Variants in SHB observed in about 807,000 individuals in gnomAD.
The protein encoded by SHB is SH2 domain containing adaptor protein B.
Under a neutral mutation model 52.3 loss-of-function variants are expected in SHB, and 20 were observed. The observed-to-expected ratio is 0.38, with a 90% confidence interval of 0.27 to 0.56. The LOEUF (loss-of-function observed/expected upper bound fraction) is 0.56, where lower values mean the gene tolerates loss of function less well. Among genes scored for constraint, SHB ranks in the 20% least tolerant of loss-of-function variants. SHB has a pLI of 0.71. For missense variants in SHB, 825 were observed against 723.3 expected, an observed-to-expected ratio of 1.14 and a Z score of -1.61; for synonymous variants, 397 against 316.5, an observed-to-expected ratio of 1.25 and a Z score of -2.70.
intron 2 of SHB, among the ~76,000 whole-genome samples, chr9:38,004,734 G>T (rs111874067): frequency 6.6e-6 from 1 of 152,294 alleles, no homozygotes; most frequent in East Asian, 1.9e-4. Context: ...CTGGGGGCAC[G>T]GGCACATGAG....
chr9:37,979,800 T>C (rs1434230194), intron 2 of SHB, among the ~76,000 whole-genome samples: 4 of 152,092 alleles, frequency 2.6e-5, no homozygotes, highest in African/African-American at 7.2e-5. Context: ...CTACTAATAA[T>C]ACAAAAATTA....
At chr9:37,987,147 C>T (rs2244203) in intron 2 of SHB, among the ~76,000 whole-genome samples, 3 of 151,908 alleles carry the variant, frequency 2.0e-5, no homozygotes, top group Non-Finnish European at 4.4e-5. Context: ...TGCAGCCAGG[C>T]CCCTCCCCGC....
chr9:37,948,495 T>C, intron 5 of SHB, 140 bp downstream of exon 5: 2 of 1,001,392 alleles, frequency 2.0e-6, no homozygotes, highest in Non-Finnish European at 3.0e-6. Flanking sequence ...AGGATCAAAT[T>C]GAAAAACCCA....
intron 1 of SHB, 80 bp downstream of exon 1, chr9:38,067,849 C>T (rs1455583191): frequency 2.9e-6 from 4 of 1,371,384 alleles, no homozygotes; most frequent in Non-Finnish European, 3.8e-6. Context: ...AGAGACTCAA[C>T]ACCAGAGCGG....
Position 38,068,489 on chromosome 9 carries a change from C to T in SHB, c.157G>A (p.Ala53Thr). The change falls in exon 1 of 6, where the codon GCG becomes ACG. Residue 53 changes from alanine to threonine, a missense_variant. Ala to Thr is a moderately conservative substitution (Grantham distance 58, BLOSUM62 0). Transcript: ENST00000377707. ...AVPQASSAAS[A>T]SCGPATASCF... ...GAGGCGGTGGCCGGACCGCAGGACG[C>T]CGAGGCGGCGGAGGAGGCCTGCGGC... 1 of 1,500,376 alleles carries T rather than the reference C, an allele frequency of 6.7e-7. No individual in the cohort carries two copies. Among genetic ancestry groups the T allele is most frequent in the Non-Finnish European group, 8.8e-7 (1 of 1,130,850 alleles). The allele number at this position is 1,500,376 out of a possible 1,614,324, so 92.9% of individuals were successfully genotyped here.
chr9:37,933,386 T>G (rs1251233061), intron 5 of SHB, among the ~76,000 whole-genome samples: 1 of 152,234 alleles, frequency 6.6e-6, no homozygotes, highest in Non-Finnish European at 1.5e-5. Context: ...CTTTGAAGCT[T>G]GGCACATAGG....
intron 3 of SHB, among the ~76,000 whole-genome samples, chr9:37,966,655 G>C (rs1312101457): frequency 6.6e-6 from 1 of 152,240 alleles, no homozygotes; most frequent in Non-Finnish European, 1.5e-5. Flanking sequence ...ATTCTGGGAA[G>C]CTATACAGGG....
At chr9:37,943,673 T>C (rs1832459483) in intron 5 of SHB, among the ~76,000 whole-genome samples, 3 of 152,054 alleles carry the variant, frequency 2.0e-5, no homozygotes, top group Admixed American at 2.0e-4. Flanking sequence ...GCCTCAGAGG[T>C]GCCACTCGGT....
At chr9:38,011,345 C>G (rs927624771) in intron 2 of SHB, among the ~76,000 whole-genome samples, 3 of 152,226 alleles carry the variant, frequency 2.0e-5, no homozygotes, top group Middle Eastern at 3.4e-3. Context: ...CCCAGATGGG[C>G]AGCAGGGCAT....
At chr9:38,042,074 C>T (rs1328046058) in intron 1 of SHB, among the ~76,000 whole-genome samples, 1 of 150,306 alleles carries the variant, frequency 6.7e-6, no homozygotes, top group Admixed American at 6.6e-5. Context: ...CGTCTGGCTT[C>T]GCCCAGAAGG....
At chr9:38,005,535 G>A (rs1422954976) in intron 2 of SHB, among the ~76,000 whole-genome samples, 3 of 152,184 alleles carry the variant, frequency 2.0e-5, no homozygotes, top group Non-Finnish European at 4.4e-5. Flanking sequence ...AGTGATCCCT[G>A]TAGGGAGAAG....
intron 2 of SHB, among the ~76,000 whole-genome samples, chr9:38,005,885 T>C (rs967896080): frequency 2.0e-5 from 3 of 152,128 alleles, no homozygotes; most frequent in Non-Finnish European, 2.9e-5. Context: ...AGGCCAGGAC[T>C]TCTCATGGTG....
chr9:38,011,411 G>A (rs1157681235), intron 2 of SHB, among the ~76,000 whole-genome samples: 3 of 152,190 alleles, frequency 2.0e-5, no homozygotes, highest in African/African-American at 7.2e-5. Flanking sequence ...AAGATGAAAA[G>A]GGGAAATAGG....
chr9:38,064,945 A>C (rs1208975093), intron 1 of SHB, among the ~76,000 whole-genome samples: 1 of 152,158 alleles, frequency 6.6e-6, no homozygotes, highest in African/African-American at 2.4e-5. Context: ...CAACACAGAG[A>C]GACCTCCTCT....
chr9:37,961,284 T>C (rs1377229357), intron 3 of SHB, among the ~76,000 whole-genome samples: 3 of 152,220 alleles, frequency 2.0e-5, no homozygotes, highest in East Asian at 3.8e-4. Flanking sequence ...TCCAGTCTCT[T>C]GTCTGCCCCT....
intron 3 of SHB, among the ~76,000 whole-genome samples, chr9:37,972,935 T>C (rs1298836750): frequency 1.3e-5 from 2 of 152,106 alleles, no homozygotes; most frequent in Non-Finnish European, 2.9e-5. Context: ...AGATAAAAAG[T>C]TTCCCTTTAT....
Position 38,036,975 on chromosome 9 carries a change from G to T in SHB, c.718-20844C>A, listed in dbSNP as rs563589554. On this transcript the variant is annotated intron_variant, in intron 1 of 5. Coordinates refer to ENST00000377707, the MANE Select transcript of SHB (RefSeq NM_003028.3). ...AATCTTATGCTCAACAGACTTAGAA[G>T]TGACTCTACTATGAAACTCCTCCCT... Among the ~76,000 whole-genome samples the T allele has an allele frequency of 1.1e-4, 17 of 152,284 alleles. No individual in the cohort carries two copies. In the East Asian group the frequency reaches 3.3e-3, roughly 29 times the overall value.
At chr9:37,957,351 G>A (rs1481605088) in intron 3 of SHB, among the ~76,000 whole-genome samples, 4 of 152,188 alleles carry the variant, frequency 2.6e-5, no homozygotes, top group African/African-American at 4.8e-5. Context: ...CAGCGCTGGC[G>A]GGGTAACGTG....
chr9:38,030,697 C>T (rs1821402397), intron 1 of SHB, among the ~76,000 whole-genome samples: 1 of 152,088 alleles, frequency 6.6e-6, no homozygotes, highest in Non-Finnish European at 1.5e-5. Flanking sequence ...AATGAGGGGC[C>T]TCACATTCTT....
Sources: gnomAD v4.1 joint callset for allele counts (sites outside exome capture counted in the v4.1 genomes callset) on GRCh38, gnomAD v4.1.1 for gene constraint, MANE v1.5 for transcripts, NCBI Gene and HGNC (gene_info 2026-07-23, HGNC 2026-07-21) for gene names.